Variants in USP10 observed in about 807,000 individuals in gnomAD.
USP10 encodes the protein ubiquitin specific peptidase 10, also known as ubiquitin carboxyl-terminal hydrolase 10.
USP10 carries 22 observed loss-of-function variants against 84.5 expected under a neutral mutation model. The observed-to-expected ratio is 0.26, with a 90% CI of 0.19 to 0.37. The LOEUF (loss-of-function observed/expected upper bound fraction) is 0.37, where lower values mean the gene tolerates loss of function less well. Ranked by LOEUF, USP10 falls within the 10% of genes least tolerant of loss-of-function variation. The probability of loss-of-function intolerance (pLI) is 1.00; values close to 1 mark genes in which losing one functional copy is unlikely to be tolerated. For missense variants in USP10, 1,019 were observed against 998.9 expected (o/e 1.02, Z -0.27); for synonymous variants, 454 against 387.6 (o/e 1.17, Z -2.01).
At chr16:84,724,245 A>T (rs1005478591) in intron 1 of USP10, among the ~76,000 whole-genome samples, 3 of 152,160 alleles carry the variant, frequency 2.0e-5, no homozygotes, top group African/African-American at 7.2e-5. Flanking sequence ...AAGTTGGTAA[A>T]AGTGGGTTTC....
In USP10 at chr16:84,738,051, G is replaced by T. The variant is rs1161699505; in HGVS notation, c.91-2258G>T. On this transcript the variant is annotated intron_variant, in intron 2 of 13. Coordinates refer to ENST00000219473, the MANE Select transcript of USP10 (RefSeq NM_005153.3). ...CACCCCGTGGTTGAATGTTGAGGAA[G>T]GGGACAGCCGGAAGATGGTGAGCAG... 2.0e-5 allele frequency among the ~76,000 whole-genome samples: 3 copies of T among 152,114 alleles called. No homozygotes were observed. In the South Asian group the frequency reaches 6.2e-4, roughly 32 times the overall value.
At chr16:84,722,856 C>T (rs1298104520) in intron 1 of USP10, among the ~76,000 whole-genome samples, 2 of 152,148 alleles carry the variant, frequency 1.3e-5, no homozygotes, top group Non-Finnish European at 2.9e-5. Flanking sequence ...GCGTCCGGCT[C>T]AGTCGTCTTA....
At chr16:84,762,936 G>C in intron 8 of USP10, 53 bp from the exon 9 acceptor site, 6 of 1,141,714 alleles carry the variant, frequency 5.3e-6, no homozygotes, top group Non-Finnish European at 7.6e-6. Flanking sequence ...ATGTCCTGCA[G>C]GCCTTTGACA....
At chr16:84,778,286 C>G (rs954639597) in intron 13 of USP10, among the ~76,000 whole-genome samples, 1 of 152,076 alleles carries the variant, frequency 6.6e-6, no homozygotes. Flanking sequence ...GATTGTGTCC[C>G]GTGTCTTTAG....
At chr16:84,728,952 C>G (rs975507039) in intron 1 of USP10, among the ~76,000 whole-genome samples, 4 of 148,570 alleles carry the variant, frequency 2.7e-5, no homozygotes, top group African/African-American at 9.7e-5. Context: ...GCACCCACCA[C>G]CATGCCTGGC....
At chr16:84,744,037 A>G (rs1485377065) in intron 3 of USP10, among the ~76,000 whole-genome samples, 5 of 149,038 alleles carry the variant, frequency 3.4e-5, no homozygotes, top group African/African-American at 7.3e-5. Context: ...GCTTTTATAT[A>G]TAGGATTCTT....
chr16:84,726,071 A>C (rs1269612299), intron 1 of USP10, among the ~76,000 whole-genome samples: 1 of 152,242 alleles, frequency 6.6e-6, no homozygotes, highest in Non-Finnish European at 1.5e-5. Flanking sequence ...TGCAGCAGCA[A>C]AGTATTTACA....
rs142032383 is a variant in USP10 at position 84,768,126 on chromosome 16, G to A, written c.1833-67G>A. 4 of 1,459,810 alleles carry A rather than the reference G, an allele frequency of 2.7e-6. No individual in the cohort carries two copies. In the Admixed American group the frequency reaches 6.9e-5, roughly 25 times the overall value. The allele number at this position is 1,459,810 out of a possible 1,614,324, so 90.4% of individuals were successfully genotyped here. On this transcript the variant is annotated intron_variant, in intron 10 of 13. Coordinates refer to ENST00000219473, the MANE Select transcript of USP10 (RefSeq NM_005153.3). ...CTTATTTTCAGTGTTTATTCCCTTGGTTAATCTTAAGGGAAAGTGGCAAGG... is the reference window on the plus strand; with the variant it reads ...CTTATTTTCAGTGTTTATTCCCTTGATTAATCTTAAGGGAAAGTGGCAAGG...
chr16:84,704,190 T>C (rs1024170099), intron 1 of USP10, among the ~76,000 whole-genome samples: 11 of 152,270 alleles, frequency 7.2e-5, no homozygotes, highest in Admixed American at 2.0e-4. Context: ...TTTAAAGATA[T>C]AATTTCAGAC....
Position 84,721,492 on chromosome 16 carries a change from C to A in USP10, c.22-11943C>A, listed in dbSNP as rs565181512. Among the ~76,000 whole-genome samples the A allele has an allele frequency of 1.4e-4, 21 of 152,286 alleles. No homozygotes were observed. The South Asian group carries it at 3.9e-3, about 29-fold the overall frequency. ...AACCTTATTGAAGTATAATTTAATA[C>A]AATAAATGTACCCATTTTAAGTTTG... On this transcript the variant is annotated intron_variant, in intron 1 of 13. Coordinates refer to ENST00000219473, the MANE Select transcript of USP10 (RefSeq NM_005153.3).
chr16:84,772,240 G>A (rs975273642), intron 11 of USP10, among the ~76,000 whole-genome samples: 11 of 152,024 alleles, frequency 7.2e-5, no homozygotes, highest in South Asian at 4.1e-4. Flanking sequence ...TAGTAGAGAC[G>A]GGATTTCACC....
At chr16:84,720,662 A>G (rs1907670885) in intron 1 of USP10, among the ~76,000 whole-genome samples, 2 of 136,614 alleles carry the variant, frequency 1.5e-5, no homozygotes, top group South Asian at 2.4e-4. Context: ...CCTTACTGCA[A>G]GCTCCACCTC....
chr16:84,752,279 T>C (rs529082303), intron 4 of USP10, among the ~76,000 whole-genome samples: 1 of 152,248 alleles, frequency 6.6e-6, no homozygotes, highest in South Asian at 2.1e-4. Flanking sequence ...GTCTGAACAG[T>C]TAAGTAGTAA....
chr16:84,760,058 G>T (rs997323965), intron 7 of USP10, 112 bp downstream of exon 7: 1 of 1,514,796 alleles, frequency 6.6e-7, no homozygotes, highest in Non-Finnish European at 9.1e-7. Flanking sequence ...TTACACCTAT[G>T]CCATTCTCAA....
chr16:84,709,217 C>G (rs1433079911), intron 1 of USP10: 1 of 152,190 alleles, frequency 6.6e-6, no homozygotes, highest in East Asian at 1.9e-4. Context: ...TCACTCCAAA[C>G]TGAGAGATGT....
At chr16:84,767,057 C>G (rs1913944565) in intron 10 of USP10, among the ~76,000 whole-genome samples, 1 of 152,178 alleles carries the variant, frequency 6.6e-6, no homozygotes. Context: ...GTATCCCTCT[C>G]CAGAACCAGG....
At chr16:84,745,751 C>T in intron 4 of USP10, 78 bp downstream of exon 4, 3 of 1,426,832 alleles carry the variant, frequency 2.1e-6, no homozygotes, top group Non-Finnish European at 2.8e-6. Flanking sequence ...TGTGGTGTTA[C>T]CCATAACAAT....
chr16:84,715,992 T>G (rs1387356547), intron 1 of USP10, among the ~76,000 whole-genome samples: 1 of 152,194 alleles, frequency 6.6e-6, no homozygotes, highest in East Asian at 1.9e-4. Flanking sequence ...TGTCCTGAGC[T>G]TCTTGCCCTT....
intron 4 of USP10, among the ~76,000 whole-genome samples, chr16:84,755,657 G>A (rs3180185): frequency 0.28 from 43,061 of 151,740 alleles, 7,560 homozygotes; most frequent in Non-Finnish European, 0.41. Context: ...TTATGATTGG[G>A]TATGGTGGCA....
Sources: gnomAD v4.1 joint callset for allele counts (sites outside exome capture counted in the v4.1 genomes callset) on GRCh38, gnomAD v4.1.1 for gene constraint, MANE v1.5 for transcripts, NCBI Gene and HGNC (gene_info 2026-07-23, HGNC 2026-07-21) for gene names.